The following NKD1 variants were observed in gnomAD, a reference collection of about 807,000 sequenced individuals.
NKD1 encodes the protein NKD inhibitor of Wnt signaling pathway 1.
Under a neutral mutation model 56.0 loss-of-function variants are expected in NKD1, and 21 were observed. The observed-to-expected ratio is 0.38, with a 90% CI of 0.27 to 0.54. The LOEUF (loss-of-function observed/expected upper bound fraction) is 0.54, where lower values mean the gene tolerates loss of function less well. Among genes scored for constraint, NKD1 ranks in the 20% least tolerant of loss-of-function variants. NKD1 has a pLI of 0.82. For missense variants in NKD1, 578 were observed against 642.7 expected (o/e 0.90, Z 1.09); for synonymous variants, 263 against 265.7 (o/e 0.99, Z 0.10).
intron 3 of NKD1, chr16:50,570,839 G>A (rs774514593): frequency 2.1e-5 from 21 of 985,412 alleles, no homozygotes; most frequent in South Asian, 1.9e-4. Context: ...CCAGGAGTGC[G>A]GTAACATCTG....
intron 3 of NKD1, among the ~76,000 whole-genome samples, chr16:50,589,752 CTCT>C (rs1240199769): frequency 3.3e-5 from 3 of 90,920 alleles, no homozygotes; most frequent in Admixed American, 1.3e-4. Context: ...CTCTTCTCTT[CTCT>C]TCTCTTCTCT....
Position 50,640,191 on chromosome 16 carries a change from G to T in NKD1, c.*6410G>T, listed in dbSNP as rs1467398574. ...TTGGAGGAACTGCCAGGAACTAAGG[G>T]CGAGCACTGGAGAAGGCAACCTGGG... On this transcript the variant is annotated 3_prime_UTR_variant, in exon 10 of 10. Transcript: ENST00000268459. The T allele has an allele frequency of 6.6e-6, 1 of 152,240 alleles. No individual in the cohort carries two copies. The highest frequency in any genetic ancestry group is 1.5e-5 in the Non-Finnish European group (1 of 68,104). 9.4% of individuals were successfully genotyped at this position (152,240 alleles called of 1,614,324 possible). A position where few individuals can be genotyped will look rare whatever the true frequency, so the allele number is the denominator to read the frequency against.
chr16:50,608,599 C>G (rs1275422318), intron 4 of NKD1: 3 of 577,236 alleles, frequency 5.2e-6, no homozygotes, highest in Admixed American at 5.8e-5. Context: ...ATGTCCTGGC[C>G]CTGCACCGGA....
intron 3 of NKD1, among the ~76,000 whole-genome samples, chr16:50,591,861 G>A (rs759030497): frequency 1.3e-5 from 2 of 152,246 alleles, no homozygotes; most frequent in African/African-American, 2.4e-5. Context: ...TTGACCTCAG[G>A]CTATATGCCT....
intron 4 of NKD1, among the ~76,000 whole-genome samples, chr16:50,614,865 G>T (rs1961925633): frequency 6.6e-6 from 1 of 152,184 alleles, no homozygotes; most frequent in Non-Finnish European, 1.5e-5. Flanking sequence ...TAAACACCTT[G>T]CAAAGACCCA....
intron 3 of NKD1, chr16:50,555,989 A>G (rs1483417805): frequency 6.8e-6 from 1 of 147,682 alleles, no homozygotes; most frequent in Non-Finnish European, 1.5e-5. Flanking sequence ...GAAAAAATTC[A>G]GTCTCTCACA....
Position 50,642,773 on chromosome 16 carries a change from C to T in NKD1, c.*8992C>T, listed in dbSNP as rs866860260. 3 of 152,266 alleles carry T rather than the reference C, an allele frequency of 2.0e-5. No homozygotes were observed. 9.4% of individuals were successfully genotyped at this position (152,266 alleles called of 1,614,324 possible). On this transcript the variant is annotated 3_prime_UTR_variant, in exon 10 of 10. Coordinates refer to ENST00000268459, the MANE Select transcript of NKD1 (RefSeq NM_033119.5). ...ATGGATGAAGGGTACCTGTCCTCCA[C>T]CCCGGCTGCAGAGCCCCCAGTGAGA...
intron 4 of NKD1, among the ~76,000 whole-genome samples, chr16:50,618,416 C>T (rs780907399): frequency 4.6e-5 from 7 of 152,152 alleles, no homozygotes; most frequent in Non-Finnish European, 7.3e-5. Context: ...AGCACCAGTC[C>T]GCCTCTCCCG....
chr16:50,571,292 G>T (rs148315176), intron 3 of NKD1, among the ~76,000 whole-genome samples: 204 of 152,346 alleles, frequency 1.3e-3, no homozygotes, highest in African/African-American at 4.7e-3. Flanking sequence ...TCTGCCTCCT[G>T]TGGGGAGATG....
chr16:50,617,616 G>T (rs892137919), intron 4 of NKD1, among the ~76,000 whole-genome samples: 2 of 152,150 alleles, frequency 1.3e-5, no homozygotes, highest in Admixed American at 6.5e-5. Flanking sequence ...CTGACTCCTC[G>T]TGGCTGTGGT....
intron 3 of NKD1, among the ~76,000 whole-genome samples, chr16:50,561,161 AG>A (rs542411178): frequency 4.6e-5 from 7 of 152,128 alleles, no homozygotes; most frequent in Middle Eastern, 3.4e-3. Flanking sequence ...AGTCCCATGG[AG>A]GGGGGGCCCA....
chr16:50,627,983 T>A (rs189186111), intron 6 of NKD1, among the ~76,000 whole-genome samples: 2 of 151,990 alleles, frequency 1.3e-5, no homozygotes, highest in Non-Finnish European at 1.5e-5. Context: ...TGGGGCCTTA[T>A]GGAGAAGCCA....
intron 3 of NKD1, chr16:50,574,542 G>A: frequency 1.0e-6 from 1 of 985,442 alleles, no homozygotes; most frequent in Non-Finnish European, 1.2e-6. Context: ...CCGAATGGCA[G>A]TGCAGCGTGG....
intron 3 of NKD1, chr16:50,574,484 C>A (rs1335079710): frequency 4.1e-6 from 4 of 982,332 alleles, no homozygotes; most frequent in Non-Finnish European, 4.8e-6. Flanking sequence ...TTTTTGGAAA[C>A]TCTCCATTTT....
intron 8 of NKD1, among the ~76,000 whole-genome samples, chr16:50,631,868 G>A (rs902816454): frequency 7.2e-5 from 11 of 152,256 alleles, no homozygotes; most frequent in Admixed American, 5.2e-4. Context: ...AACCCCAACA[G>A]TTTAAGGGGA....
In NKD1 at chr16:50,632,486, T is replaced by C. The variant is rs771785175; in HGVS notation, c.823+78T>C. On this transcript the variant is annotated intron_variant, in intron 9 of 9. Coordinates refer to ENST00000268459, the MANE Select transcript of NKD1 (RefSeq NM_033119.5). This position sits in a 1 kb window ranked among gnomAD's most constrained non-coding sequence, Gnocchi z 4.1. The stretch of plus-strand genomic sequence containing the variant: ...CGGGCCAGGCGGGCCGTGCGGGTGG[T>C]GTTCACTGCTACCCCAGGCTTCGGT... 1.8e-5 allele frequency: 26 copies of C among 1,426,264 alleles called. No individual in the cohort carries two copies. The highest frequency in any genetic ancestry group is 2.5e-5 in the Non-Finnish European group (25 of 1,015,708). 88.4% of individuals were successfully genotyped at this position (1,426,264 alleles called of 1,614,324 possible).
intron 5 of NKD1, 29 bp from the exon 6 acceptor site, chr16:50,625,456 A>G (rs1187543389): frequency 1.3e-6 from 2 of 1,523,710 alleles, no homozygotes; most frequent in Non-Finnish European, 1.8e-6. Flanking sequence ...CAGATAGGGG[A>G]CCAGCCCCGC....
intron 3 of NKD1, chr16:50,575,312 G>A (rs1471320254): frequency 1.0e-6 from 1 of 985,278 alleles, no homozygotes; most frequent in Non-Finnish European, 1.2e-6. Flanking sequence ...GGTTTTATAG[G>A]CGGGTGGTTC....
chr16:50,569,717 A>G (rs987338225), intron 3 of NKD1, among the ~76,000 whole-genome samples: 18 of 152,052 alleles, frequency 1.2e-4, no homozygotes, highest in African/African-American at 4.3e-4. Context: ...CTCTCCTCCC[A>G]CTTAGATTGT....
Sources: gnomAD v4.1 joint callset for allele counts (sites outside exome capture counted in the v4.1 genomes callset) on GRCh38, gnomAD v4.1.1 for gene constraint, Gnocchi (gnomAD v3.1) non-coding constraint, MANE v1.5 for transcripts, NCBI Gene and HGNC (gene_info 2026-07-23, HGNC 2026-07-21) for gene names.